CRACDL: variants seen among roughly 807,000 people sequenced by gnomAD.
CRACDL encodes the protein CRACD-like protein.
CRACDL carries 26 observed loss-of-function variants against 70.6 expected under a neutral mutation model. That is an observed-to-expected ratio of 0.37 (90% CI 0.27 to 0.51). The LOEUF (loss-of-function observed/expected upper bound fraction) is 0.51, where lower values mean the gene tolerates loss of function less well. CRACDL is among the 20% of genes least tolerant of loss of function. The pLI is 0.94. For missense variants in CRACDL, 1,283 were observed against 1,376.9 expected, an observed-to-expected ratio of 0.93 and a Z score of 1.08; for synonymous variants, 618 against 615.2, an observed-to-expected ratio of 1.00 and a Z score of -0.07.
chr2:98,799,661 C>T (rs1703991583), intron 7 of CRACDL, among the ~76,000 whole-genome samples: 1 of 152,186 alleles, frequency 6.6e-6, no homozygotes, highest in African/African-American at 2.4e-5. Flanking sequence ...GTCCAGTTCT[C>T]CCTCCTCCTC....
intron 1 of CRACDL, among the ~76,000 whole-genome samples, chr2:98,904,273 C>T (rs553179538): frequency 6.6e-6 from 1 of 152,304 alleles, no homozygotes; most frequent in East Asian, 1.9e-4. Context: ...AACAGATCTC[C>T]AGGAAGCTCC....
chr2:98,903,095 G>A (rs1708321200), intron 1 of CRACDL, among the ~76,000 whole-genome samples: 1 of 152,122 alleles, frequency 6.6e-6, no homozygotes, highest in African/African-American at 2.4e-5. Context: ...CATTTGCTGT[G>A]GGGATGGGAT....
chr2:98,804,083 G>A (rs1410123305), intron 7 of CRACDL, among the ~76,000 whole-genome samples: 1 of 152,186 alleles, frequency 6.6e-6, no homozygotes, highest in Non-Finnish European at 1.5e-5. Flanking sequence ...TGCTGGCAAC[G>A]TCTACAGTCG....
intron 1 of CRACDL, among the ~76,000 whole-genome samples, chr2:98,895,950 G>C (rs150334072): frequency 6.6e-6 from 1 of 152,138 alleles, no homozygotes; most frequent in African/African-American, 2.4e-5. Context: ...TGCTACCTAC[G>C]AACCAGAAAG....
intron 9 of CRACDL, among the ~76,000 whole-genome samples, chr2:98,795,077 A>ATATATATATATATATTTTTTTTTTT: frequency 3.4e-5 from 2 of 58,508 alleles, no homozygotes; most frequent in African/African-American, 6.6e-5. Context: ...ATATATATAT[A>ATATATATATATATATTTTTTTTTTT]TTTTTTTTTT....
chr2:98,838,320 G>C (rs773951399), intron 2 of CRACDL, 33 bp from the exon 3 acceptor site: 2 of 1,307,800 alleles, frequency 1.5e-6, no homozygotes, highest in Non-Finnish European at 2.1e-6. Context: ...TAATAAATAA[G>C]ACTGTTACAG....
chr2:98,928,457 G>A lies in CRACDL; in HGVS notation c.-11+7481C>T, dbSNP rs558660105. Among the ~76,000 whole-genome samples the A allele has an allele frequency of 3.5e-3, 533 of 152,260 alleles. 1 individual carries two copies. The highest frequency in any genetic ancestry group is 6.3e-3 in the Non-Finnish European group (427 of 68,026). On this transcript the variant is annotated intron_variant, in intron 1 of 9. Transcript: ENST00000397899. ...AAAGAGCAGCCTGACTGAGGTGAGG[G>A]AAATCTCTAGTCTGTTCAGAGCCCC...
chr2:98,829,929 C>A (rs1175576406), intron 5 of CRACDL, among the ~76,000 whole-genome samples: 1 of 152,206 alleles, frequency 6.6e-6, no homozygotes, highest in Non-Finnish European at 1.5e-5. Context: ...CCCCCAAAAC[C>A]CTCTGAGCCA....
intron 1 of CRACDL, among the ~76,000 whole-genome samples, chr2:98,920,244 T>C (rs1179209110): frequency 6.6e-6 from 1 of 152,186 alleles, no homozygotes; most frequent in Non-Finnish European, 1.5e-5. Flanking sequence ...TACAATTTCA[T>C]TATCCGGATT....
chr2:98,850,413 A>G (rs898960829), intron 1 of CRACDL, among the ~76,000 whole-genome samples: 7 of 152,252 alleles, frequency 4.6e-5, no homozygotes, highest in Admixed American at 2.6e-4. Flanking sequence ...AAGCCGCAGT[A>G]AAGTTCAAGG....
At chr2:98,927,104 C>T (rs1189846912) in intron 1 of CRACDL, among the ~76,000 whole-genome samples, 1 of 152,236 alleles carries the variant, frequency 6.6e-6, no homozygotes, top group African/African-American at 2.4e-5. Context: ...GGGAGGGAGG[C>T]TTCAGGGCTC....
At chr2:98,856,968 C>A (rs1017802675) in intron 1 of CRACDL, among the ~76,000 whole-genome samples, 2 of 152,072 alleles carry the variant, frequency 1.3e-5, no homozygotes, top group Admixed American at 1.3e-4. Context: ...CCCAGGGATC[C>A]ACACTGTTAC....
At chr2:98,892,126 G>A (rs1158271529) in intron 1 of CRACDL, among the ~76,000 whole-genome samples, 1 of 152,130 alleles carries the variant, frequency 6.6e-6, no homozygotes, top group East Asian at 1.9e-4. Context: ...ACAGCCATTT[G>A]GCAATTTCTA....
At chr2:98,898,624 T>C (rs548680200) in intron 1 of CRACDL, among the ~76,000 whole-genome samples, 8 of 152,354 alleles carry the variant, frequency 5.3e-5, no homozygotes, top group African/African-American at 1.9e-4. Context: ...AGCATCTGCC[T>C]GTGGCTCCCA....
chr2:98,797,631 G>C, intron 7 of CRACDL, 94 bp from the exon 8 acceptor site: 4 of 1,229,408 alleles, frequency 3.3e-6, no homozygotes, highest in Non-Finnish European at 4.6e-6. Context: ...TACTGCTTTG[G>C]TTCAGGGTTG....
intron 1 of CRACDL, among the ~76,000 whole-genome samples, chr2:98,882,374 T>C (rs1707675340): frequency 6.6e-6 from 1 of 152,216 alleles, no homozygotes; most frequent in South Asian, 2.1e-4. Context: ...TGTAGTTCTA[T>C]CCCCTGGCAA....
intron 2 of CRACDL, among the ~76,000 whole-genome samples, chr2:98,840,254 T>G (rs1417745769): frequency 6.6e-6 from 1 of 152,196 alleles, no homozygotes; most frequent in East Asian, 1.9e-4. Context: ...TGATACCTTC[T>G]TAGACTTACG....
Position 98,823,617 on chromosome 2 carries a change from T to C in CRACDL, c.736-80A>G. On this transcript the variant is annotated intron_variant, in intron 6 of 9. Coordinates refer to ENST00000397899, the MANE Select transcript of CRACDL (RefSeq NM_207362.3). This position sits in a 1 kb window ranked among gnomAD's most constrained non-coding sequence, Gnocchi z 4.0. ...GTCACCTCCCCACTTTTTTCAAGGCTTATAATGGTTTAGTGATAGCAGCAC... is the reference window on the plus strand; with the variant it reads ...GTCACCTCCCCACTTTTTTCAAGGCCTATAATGGTTTAGTGATAGCAGCAC... The C allele has an allele frequency of 6.7e-7, 1 of 1,502,638 alleles. No homozygotes were observed. Among genetic ancestry groups the C allele is most frequent in the Non-Finnish European group, 8.9e-7 (1 of 1,117,680 alleles). The allele number at this position is 1,502,638 out of a possible 1,614,324, so 93.1% of individuals were successfully genotyped here.
At chr2:98,835,342 AC>A (rs1705726681) in intron 3 of CRACDL, among the ~76,000 whole-genome samples, 2 of 152,212 alleles carry the variant, frequency 1.3e-5, no homozygotes, top group South Asian at 4.1e-4. Flanking sequence ...ATTTCACACC[AC>A]AAGGAGGGAG....
Sources: allele counts gnomAD v4.1 joint callset (sites outside exome capture counted in the v4.1 genomes callset), GRCh38; gene constraint gnomAD v4.1.1; non-coding constraint Gnocchi (gnomAD v3.1); transcripts MANE v1.5; gene names NCBI Gene and HGNC (gene_info 2026-07-23, HGNC 2026-07-21).